KCNIP4: variants seen among roughly 807,000 people sequenced by gnomAD.
KCNIP4 encodes the protein Kv channel-interacting protein 4.
Under a neutral mutation model 34.0 loss-of-function variants are expected in KCNIP4, and 12 were observed. The ratio of observed to expected loss-of-function variants is 0.35; its 90% CI spans 0.23 to 0.57. KCNIP4 has a LOEUF of 0.57. Ranked by LOEUF, KCNIP4 falls within the 20% of genes least tolerant of loss-of-function variation. The pLI is 0.83. For missense variants in KCNIP4, 238 were observed against 311.7 expected (o/e 0.76, Z 1.78); for synonymous variants, 124 against 102.2 (o/e 1.21, Z -1.29).
intron 1 of KCNIP4, among the ~76,000 whole-genome samples, chr4:21,172,650 C>T (rs1162713627): frequency 6.6e-6 from 1 of 152,076 alleles, no homozygotes; most frequent in Non-Finnish European, 1.5e-5. Context: ...AGGGATCTCC[C>T]AATTTATTTG....
intron 1 of KCNIP4, among the ~76,000 whole-genome samples, chr4:21,820,338 T>TAC (rs1400782526): frequency 2.8e-5 from 4 of 140,738 alleles, no homozygotes; most frequent in African/African-American, 5.4e-5. Flanking sequence ...TATATACACA[T>TAC]ACACACACAC....
At chr4:21,728,085 C>T (rs11737531) in intron 1 of KCNIP4, among the ~76,000 whole-genome samples, 13,952 of 152,138 alleles carry the variant, frequency 0.092, 675 homozygotes, top group Middle Eastern at 0.18. Flanking sequence ...TCTCCATCTA[C>T]ACCTGCTTTC....
At chr4:21,649,342 T>C (rs1384835301) in intron 1 of KCNIP4, among the ~76,000 whole-genome samples, 1 of 152,202 alleles carries the variant, frequency 6.6e-6, no homozygotes, top group South Asian at 2.1e-4. Flanking sequence ...CTGTATTTCA[T>C]TGAATTAACA....
intron 1 of KCNIP4, among the ~76,000 whole-genome samples, chr4:21,274,304 T>C (rs1280436651): frequency 2.6e-5 from 4 of 152,182 alleles, no homozygotes; most frequent in Non-Finnish European, 1.5e-5. Flanking sequence ...TTGAATATGT[T>C]TTCAAGATGT....
At chr4:20,829,247 G>A (rs535983950) in intron 3 of KCNIP4, among the ~76,000 whole-genome samples, 13 of 151,472 alleles carry the variant, frequency 8.6e-5, no homozygotes, top group African/African-American at 1.2e-4. Context: ...TCACTCTGTC[G>A]CCCAGGCTGG....
chr4:21,455,613 A>C (rs1448116006), intron 1 of KCNIP4, among the ~76,000 whole-genome samples: 2 of 142,906 alleles, frequency 1.4e-5, no homozygotes, highest in African/African-American at 5.1e-5. Context: ...TTTACAGATA[A>C]AGAAACTGAA....
chr4:21,003,271 G>A (rs551896241), intron 1 of KCNIP4, among the ~76,000 whole-genome samples: 11 of 152,054 alleles, frequency 7.2e-5, no homozygotes, highest in East Asian at 1.9e-4. Context: ...CTATCTTCCC[G>A]GAACTGGTAA....
At chr4:20,730,274 A>C (rs1471878626) in intron 8 of KCNIP4, 145 bp from the exon 9 acceptor site, 13 of 1,019,998 alleles carry the variant, frequency 1.3e-5, no homozygotes, top group African/African-American at 4.9e-5. Context: ...GCAAATGTAA[A>C]TGCCATTCTA....
At chr4:21,602,334 C>T (rs950495212) in intron 1 of KCNIP4, among the ~76,000 whole-genome samples, 3 of 152,108 alleles carry the variant, frequency 2.0e-5, no homozygotes, top group Non-Finnish European at 4.4e-5. Context: ...AAGGATGAAT[C>T]TTATTCATCT....
chr4:20,816,062 A>G (rs1337527823), intron 3 of KCNIP4, among the ~76,000 whole-genome samples: 1 of 152,092 alleles, frequency 6.6e-6, no homozygotes, highest in Non-Finnish European at 1.5e-5. Flanking sequence ...CAGCCTGGCC[A>G]ACATGGCGAA....
Position 21,448,280 on chromosome 4 carries a change from T to C in KCNIP4, c.61+500291A>G, listed in dbSNP as rs1275437019. On this transcript the variant is annotated intron_variant, in intron 1 of 8. Coordinates refer to ENST00000382152, the MANE Select transcript of KCNIP4 (RefSeq NM_025221.6). The stretch of plus-strand genomic sequence containing the variant: ...AAAGGTTCTAGCATCTTAGAGAATA[T>C]CTGTATATCATCATAAACTGATTGT... 3.9e-5 allele frequency among the ~76,000 whole-genome samples: 6 copies of C among 152,082 alleles called. No individual in the cohort carries two copies. The East Asian group carries it at 5.8e-4, about 15-fold the overall frequency.
chr4:21,635,269 C>T (rs968831351), intron 1 of KCNIP4, among the ~76,000 whole-genome samples: 11 of 152,192 alleles, frequency 7.2e-5, no homozygotes, highest in African/African-American at 4.8e-5. Flanking sequence ...TGTCAATTCT[C>T]GACATTCTGA....
chr4:21,177,858 T>TTATATATATATATATATATATATA (rs3080785), intron 1 of KCNIP4, among the ~76,000 whole-genome samples: 32 of 139,302 alleles, frequency 2.3e-4, no homozygotes, highest in African/African-American at 8.7e-4. Context: ...AAAAAAAAAA[T>TTATATATATATATATATATATATA]TATATATATA....
chr4:21,766,263 C>A (rs1162399547), intron 1 of KCNIP4, among the ~76,000 whole-genome samples: 2 of 152,166 alleles, frequency 1.3e-5, no homozygotes, highest in Non-Finnish European at 2.9e-5. Flanking sequence ...GGTAGCACTG[C>A]ACTTGGCGTA....
intron 1 of KCNIP4, among the ~76,000 whole-genome samples, chr4:21,420,068 C>A (rs1342031220): frequency 6.6e-6 from 1 of 152,082 alleles, no homozygotes; most frequent in Non-Finnish European, 1.5e-5. Flanking sequence ...TCTATTTTTA[C>A]AATCTGTTCT....
intron 1 of KCNIP4, among the ~76,000 whole-genome samples, chr4:20,911,770 AT>A (rs1339428936): frequency 6.6e-6 from 1 of 152,168 alleles, no homozygotes; most frequent in Non-Finnish European, 1.5e-5. Flanking sequence ...ACATTCTAAC[AT>A]TTTTTATTCC....
At chr4:21,681,014 T>C (rs968128440) in intron 1 of KCNIP4, among the ~76,000 whole-genome samples, 6 of 152,208 alleles carry the variant, frequency 3.9e-5, no homozygotes, top group African/African-American at 1.4e-4. Flanking sequence ...GAGCCAGGCA[T>C]TGAATTCTTC....
chr4:21,759,487 T>G (rs1018771666), intron 1 of KCNIP4, among the ~76,000 whole-genome samples: 2 of 152,198 alleles, frequency 1.3e-5, no homozygotes, highest in African/African-American at 4.8e-5. Flanking sequence ...TAGAAATCTT[T>G]GTAGTCAAAG....
rs370871642 is a variant in KCNIP4, at chr4:21,549,639, C to A, written c.61+398932G>T. On this transcript the variant is annotated intron_variant, in intron 1 of 8. Coordinates refer to ENST00000382152, the MANE Select transcript of KCNIP4 (RefSeq NM_025221.6). Reference sequence around the variant, plus strand: ...TTATTTTTTAAAATAAATTACCCAGCCCCAGCAATTCCTTTATAACAATCC... The same window carrying A: ...TTATTTTTTAAAATAAATTACCCAGACCCAGCAATTCCTTTATAACAATCC... 7.2e-5 allele frequency among the ~76,000 whole-genome samples: 11 copies of A among 152,010 alleles called. No individual in the cohort carries two copies. In the South Asian group the frequency reaches 1.5e-3, roughly 20 times the overall value.
Sources: allele counts gnomAD v4.1 joint callset (sites outside exome capture counted in the v4.1 genomes callset), GRCh38; gene constraint gnomAD v4.1.1; transcripts MANE v1.5; gene names NCBI Gene and HGNC (gene_info 2026-07-23, HGNC 2026-07-21).